Variants in RAB3GAP1 observed in about 807,000 individuals in gnomAD.
The protein encoded by RAB3GAP1 is RAB3 GTPase activating protein catalytic subunit 1.
Under a neutral mutation model 130.7 loss-of-function variants are expected in RAB3GAP1, and 86 were observed. The observed-to-expected ratio is 0.66, with a 90% CI of 0.55 to 0.79. The LOEUF is 0.79. Ranked by LOEUF, RAB3GAP1 falls within the 30% of genes least tolerant of loss-of-function variation. The pLI, the probability that RAB3GAP1 is intolerant of heterozygous loss-of-function variation, is 0.00. For missense variants in RAB3GAP1, 1,029 were observed against 1,169.4 expected (o/e 0.88, Z 1.75); for synonymous variants, 367 against 401.7 (o/e 0.91, Z 1.03).
chr2:135,128,264 C>T (rs150552202), intron 11 of RAB3GAP1, among the ~76,000 whole-genome samples: 58 of 152,296 alleles, frequency 3.8e-4, no homozygotes, highest in Non-Finnish European at 7.5e-4. Context: ...AAGAGTATTA[C>T]AGTTGGACAG....
chr2:135,146,459 G>T (rs1332146679), intron 17 of RAB3GAP1, among the ~76,000 whole-genome samples: 1 of 151,968 alleles, frequency 6.6e-6, no homozygotes, highest in Non-Finnish European at 1.5e-5. Flanking sequence ...TGATCTGCTC[G>T]CCTAGGCCTC....
At position 135,060,041 on chromosome 2, in the gene RAB3GAP1, A is replaced by G. The variant is rs1050473248; in HGVS notation, c.150+1955A>G. On this transcript the variant is annotated intron_variant, in intron 3 of 23. Transcript: ENST00000264158. ...AATTAAGGGAAATTATTTATTAAAA[A>G]CCTTTAATTATGGAAAATTTCAAAC... Among the ~76,000 whole-genome samples the G allele has an allele frequency of 2.0e-5, 3 of 152,098 alleles. No homozygotes were observed. In the East Asian group the frequency reaches 5.8e-4, roughly 29 times the overall value.
At chr2:135,141,555 A>C (rs1226419898) in intron 17 of RAB3GAP1, among the ~76,000 whole-genome samples, 1 of 152,050 alleles carries the variant, frequency 6.6e-6, no homozygotes, top group East Asian at 1.9e-4. Context: ...CTTGGGTTGA[A>C]GAGGTGTTCT....
intron 5 of RAB3GAP1, among the ~76,000 whole-genome samples, chr2:135,096,499 TTATATC>T (rs1558773495): frequency 1.3e-5 from 2 of 151,900 alleles, no homozygotes. Context: ...AATGTAATAA[TTATATC>T]TATTAAATTT....
At position 135,132,896 on chromosome 2, in the gene RAB3GAP1, T is replaced by C; in HGVS notation, c.1238T>C (p.Phe413Ser). The change falls in exon 14 of 24, where the codon TTC becomes TCC. Residue 413 changes from phenylalanine to serine, a missense_variant and splice_region_variant. Coordinates refer to ENST00000264158, the MANE Select transcript of RAB3GAP1 (RefSeq NM_012233.3). ...NNDVLNTILL[F>S]LFPDAVSEKP... Reference sequence around the variant, plus strand: ...ATTATTTTTTTCCTTTCCTTCAAGTTCTTATTCCCTGATGCTGTTTCTGAG... The same window carrying C: ...ATTATTTTTTTCCTTTCCTTCAAGTCCTTATTCCCTGATGCTGTTTCTGAG... 6.5e-7 allele frequency: 1 copy of C among 1,542,592 alleles called. No homozygotes were observed. Among genetic ancestry groups the C allele is most frequent in the South Asian group, 1.1e-5 (1 of 89,604 alleles).
chr2:135,169,024 AT>A lies in RAB3GAP1; in HGVS notation c.*244del. 4.7e-5 allele frequency: 4 copies of A among 84,806 alleles called. No individual in the cohort carries two copies. The highest frequency in any genetic ancestry group is 1.8e-4 in the Admixed American group (1 of 5,422). 5.3% of individuals were successfully genotyped at this position (84,806 alleles called of 1,614,324 possible). A position where few individuals can be genotyped will look rare whatever the true frequency, so the allele number is the denominator to read the frequency against. ...TCTGCCCTAGAGATGGCCTTTGTAT[AT>A]GGGGGGGTGGTGGGGGGACACAAAC... is the stretch of plus-strand genomic sequence containing the variant. On this transcript the variant is annotated 3_prime_UTR_variant, in exon 24 of 24. Coordinates refer to ENST00000264158, the MANE Select transcript of RAB3GAP1 (RefSeq NM_012233.3).
intron 3 of RAB3GAP1, among the ~76,000 whole-genome samples, chr2:135,067,350 G>A (rs1689351117): frequency 6.6e-6 from 1 of 152,142 alleles, no homozygotes; most frequent in Non-Finnish European, 1.5e-5. Context: ...TTTGGAATGG[G>A]ACATGTAAGA....
Position 135,169,036 on chromosome 2 carries a change from T to TGG in RAB3GAP1, c.*260_*261dup, listed in dbSNP as rs143703110. 1 of 109,912 alleles carries TGG rather than the reference T, an allele frequency of 9.1e-6. No individual in the cohort carries two copies. The highest frequency in any genetic ancestry group is 4.3e-5 in the African/African-American group (1 of 23,140). 6.8% of individuals were successfully genotyped at this position (109,912 alleles called of 1,614,324 possible). ...ATGGCCTTTGTATATGGGGGGGTGG[T>TGG]GGGGGGACACAAACACATCAGACAC... On this transcript the variant is annotated 3_prime_UTR_variant, in exon 24 of 24. Transcript: ENST00000264158.
chr2:135,149,200 C>A (rs1573599350), intron 17 of RAB3GAP1, among the ~76,000 whole-genome samples: 1 of 152,120 alleles, frequency 6.6e-6, no homozygotes, highest in East Asian at 1.9e-4. Context: ...AAATGTAGCC[C>A]CTTCTTAATA....
intron 11 of RAB3GAP1, among the ~76,000 whole-genome samples, chr2:135,128,712 T>C (rs1235563522): frequency 6.6e-6 from 1 of 152,262 alleles, no homozygotes; most frequent in African/African-American, 2.4e-5. Context: ...AAAAAAGTTA[T>C]GGGTTAATTC....
intron 3 of RAB3GAP1, among the ~76,000 whole-genome samples, chr2:135,059,919 A>G (rs1046228121): frequency 2.0e-5 from 3 of 152,150 alleles, no homozygotes; most frequent in African/African-American, 4.8e-5. Flanking sequence ...GAGGACAGGG[A>G]TTGTTTGGTG....
rs141266163 is a variant in RAB3GAP1, at chr2:135,068,482, G to A, written c.150+10396G>A. 8.1e-3 allele frequency among the ~76,000 whole-genome samples: 1,234 copies of A among 151,680 alleles called. 13 individuals are homozygous for A. The highest frequency in any genetic ancestry group is 0.025 in the African/African-American group (1,056 of 41,442). The stretch of plus-strand genomic sequence containing the variant: ...AAAAAAAAAAAAGAGGCTGGGCGCC[G>A]TGGCTCACGCCTGTAATCCCATCAC... On this transcript the variant is annotated intron_variant, in intron 3 of 23. Transcript: ENST00000264158.
chr2:135,142,916 A>C (rs1183586652), intron 17 of RAB3GAP1, among the ~76,000 whole-genome samples: 3 of 149,050 alleles, frequency 2.0e-5, no homozygotes, highest in Non-Finnish European at 4.4e-5. Flanking sequence ...TTTTATATTC[A>C]TATGTCAGAG....
intron 5 of RAB3GAP1, among the ~76,000 whole-genome samples, 197 bp downstream of exon 5, chr2:135,093,890 A>G (rs1274417508): frequency 6.6e-6 from 1 of 152,212 alleles, no homozygotes; most frequent in East Asian, 1.9e-4. Context: ...AGGAAGTACA[A>G]GCTTTTAAGA....
chr2:135,081,368 A>G (rs1284686590), intron 3 of RAB3GAP1, among the ~76,000 whole-genome samples: 16 of 108,440 alleles, frequency 1.5e-4, no homozygotes, highest in African/African-American at 5.8e-4. Context: ...ATATACACAC[A>G]CGTGTGTGTG....
At chr2:135,103,034 G>GTTTTTTTTTTTTTTTTT (rs1355666279) in intron 5 of RAB3GAP1, among the ~76,000 whole-genome samples, 6 of 100,452 alleles carry the variant, frequency 6.0e-5, no homozygotes, top group Admixed American at 1.0e-4. Context: ...TCATTTTTGT[G>GTTTTTTTTTTTTTTTTT]ATTTTTTTTT....
At chr2:135,078,092 G>C (rs925929890) in intron 3 of RAB3GAP1, among the ~76,000 whole-genome samples, 2 of 152,082 alleles carry the variant, frequency 1.3e-5, no homozygotes, top group Non-Finnish European at 2.9e-5. Flanking sequence ...TGCTTTTGGT[G>C]TCCTGTCCAA....
chr2:135,148,657 A>G (rs1692075520), intron 17 of RAB3GAP1, among the ~76,000 whole-genome samples: 1 of 146,982 alleles, frequency 6.8e-6, no homozygotes, highest in Non-Finnish European at 1.5e-5. Context: ...ATGCTTGGCT[A>G]ATTTTTGTAT....
At position 135,088,759 on chromosome 2, in the gene RAB3GAP1, G is replaced by A. The variant is rs548143902; in HGVS notation, c.151-2239G>A. Among the ~76,000 whole-genome samples, 4 of 150,792 alleles carry A rather than the reference G, an allele frequency of 2.7e-5. No individual in the cohort carries two copies. In the East Asian group the frequency reaches 5.8e-4, roughly 22 times the overall value. On this transcript the variant is annotated intron_variant, in intron 3 of 23. Transcript: ENST00000264158. ...TCTTTGCCCACTTTTTGATGGGGTT[G>A]TTTTTTCTTGTAAATTTGTTTAAGT... is the stretch of plus-strand genomic sequence containing the variant.
Sources: gnomAD v4.1 joint callset for allele counts (sites outside exome capture counted in the v4.1 genomes callset) on GRCh38, gnomAD v4.1.1 for gene constraint, MANE v1.5 for transcripts, NCBI Gene and HGNC (gene_info 2026-07-23, HGNC 2026-07-21) for gene names.